The following RECQL5 variants were observed in gnomAD, a reference collection of about 807,000 sequenced individuals.
RECQL5 encodes ATP-dependent DNA helicase Q5.
RECQL5 carries 88 observed loss-of-function variants against 103.4 expected under a neutral mutation model. The ratio of observed to expected loss-of-function variants is 0.85; its 90% CI spans 0.72 to 1.02. RECQL5 has a LOEUF of 1.02. Ranked by LOEUF, RECQL5 falls within the 50% of genes least tolerant of loss-of-function variation. The probability of loss-of-function intolerance (pLI) is 0.00; values close to 1 mark genes in which losing one functional copy is unlikely to be tolerated. For missense variants in RECQL5, 1,232 were observed against 1,284.3 expected (o/e 0.96, Z 0.62); for synonymous variants, 552 against 507.9 (o/e 1.09, Z -1.17).
chr17:75,629,523 T>C (rs1232014059), intron 15 of RECQL5, 48 bp from the exon 16 acceptor site: 4 of 1,500,668 alleles, frequency 2.7e-6, no homozygotes, highest in African/African-American at 1.4e-5. Context: ...CTAGGCCCCC[T>C]TGAGGGCACC....
At chr17:75,644,579 T>C (rs1468465910) in intron 8 of RECQL5, among the ~76,000 whole-genome samples, 1 of 151,978 alleles carries the variant, frequency 6.6e-6, no homozygotes. Context: ...AGCAAGACCC[T>C]GTCTCAAAAA....
intron 18 of RECQL5, among the ~76,000 whole-genome samples, 195 bp downstream of exon 18, chr17:75,628,018 AAAAAG>A (rs1330975506): frequency 1.3e-5 from 2 of 151,592 alleles, no homozygotes; most frequent in Non-Finnish European, 1.5e-5. Flanking sequence ...AAAAAAAAAA[AAAAAG>A]AGAGCAGGAC....
chr17:75,659,743 G>T (rs1478183990), intron 6 of RECQL5, among the ~76,000 whole-genome samples: 1 of 152,222 alleles, frequency 6.6e-6, no homozygotes, highest in Non-Finnish European at 1.5e-5. Context: ...CAGGGTCACT[G>T]TGAGGTTCAC....
At position 75,631,459 on chromosome 17, in the gene RECQL5, T is replaced by A. The variant is rs820196; in HGVS notation, c.1439A>T (p.Asp480Val). ...LYEGGRKGYGDFSRYDEGSGG... is the reference protein window; with the variant it reads ...LYEGGRKGYGVFSRYDEGSGG... ...CTTCTCGGCCCCTTACCTGCTGAAG[T>A]CCCCGTAGCCCTTGCGGCCTCCCTC... The change falls in exon 9 of 20, where the codon GAC becomes GTC. Residue 480 changes from aspartate (D) to valine (V), a missense_variant. Asp to Val is a radical substitution (Grantham distance 152). Transcript: ENST00000317905. The A allele has an allele frequency of 5.0e-6, 8 of 1,606,704 alleles. 1 individual carries two copies. The South Asian group carries it at 8.8e-5, about 18-fold the overall frequency.
intron 8 of RECQL5, chr17:75,637,781 G>A (rs994975018): frequency 6.6e-6 from 1 of 152,302 alleles, no homozygotes; most frequent in Non-Finnish European, 1.5e-5. Flanking sequence ...CTCCTGTACT[G>A]AGCCCACTGC....
intron 8 of RECQL5, chr17:75,633,319 G>C: frequency 1.5e-6 from 1 of 660,406 alleles, no homozygotes; most frequent in Non-Finnish European, 2.2e-6. Flanking sequence ...GCGGGGCTGG[G>C]GTCGGTTTCT....
chr17:75,629,665 C>G, intron 15 of RECQL5, 43 bp downstream of exon 15: 1 of 1,568,542 alleles, frequency 6.4e-7, no homozygotes, highest in Non-Finnish European at 8.7e-7. Context: ...GAAGTGAAGC[C>G]TTTCCTGGTC....
rs1208816698 is a variant in RECQL5 at position 75,640,995 on chromosome 17, G to A, written c.1230-9327C>T. 1.3e-6 allele frequency: 2 copies of A among 1,491,668 alleles called. No homozygotes were observed. Among genetic ancestry groups the A allele is most frequent in the Non-Finnish European group, 1.8e-6 (2 of 1,117,546 alleles). 92.4% of individuals were successfully genotyped at this position (1,491,668 alleles called of 1,614,324 possible). On this transcript the variant is annotated intron_variant, in intron 8 of 19. Transcript: ENST00000317905. The surrounding 1 kb of genome is among the most constrained non-coding windows in gnomAD (Gnocchi z 4.6). Reference sequence around the variant, plus strand: ...CTGCAGCCCTTACCCCTCAAGACCAGGCTCCCCTGGCCCCAGCTCTGGCCC... The same window carrying A: ...CTGCAGCCCTTACCCCTCAAGACCAAGCTCCCCTGGCCCCAGCTCTGGCCC...
At chr17:75,666,204 T>C (rs77378137) in intron 2 of RECQL5, among the ~76,000 whole-genome samples, 3,776 of 152,194 alleles carry the variant, frequency 0.025, 144 homozygotes, top group African/African-American at 0.081. Context: ...GGTGGGAGGA[T>C]TGCCTGAGCC....
intron 6 of RECQL5, 91 bp downstream of exon 6, chr17:75,660,864 G>T: frequency 2.2e-6 from 2 of 917,138 alleles, no homozygotes; most frequent in Non-Finnish European, 3.7e-6. Flanking sequence ...CCTCGAAGGA[G>T]CACATGCACC....
intron 6 of RECQL5, among the ~76,000 whole-genome samples, chr17:75,660,063 T>C (rs2059679256): frequency 6.6e-6 from 1 of 152,062 alleles, no homozygotes; most frequent in Non-Finnish European, 1.5e-5. Flanking sequence ...GTTTTGGTTT[T>C]TGGTGTTTTT....
At chr17:75,657,122 A>G (rs1188096494) in intron 7 of RECQL5, among the ~76,000 whole-genome samples, 1 of 152,032 alleles carries the variant, frequency 6.6e-6, no homozygotes, top group Non-Finnish European at 1.5e-5. Flanking sequence ...TAATCCCAGC[A>G]CTCTGGGAGC....
At chr17:75,628,184 A>ATGGGAGAAG (rs1370659547) in intron 18 of RECQL5, 34 bp downstream of exon 18, 1 of 1,511,026 alleles carries the variant, frequency 6.6e-7, no homozygotes, top group African/African-American at 1.4e-5. Context: ...TACCCCAGGC[A>ATGGGAGAAG]TGGGAGAAGG....
At chr17:75,630,101 C>T (rs1424453764) in intron 14 of RECQL5, 83 bp downstream of exon 14, 61 of 1,257,756 alleles carry the variant, frequency 4.8e-5, no homozygotes, top group Non-Finnish European at 1.2e-5. Flanking sequence ...GCTGCCTGAG[C>T]CCAGAGAGCT....
intron 8 of RECQL5, among the ~76,000 whole-genome samples, chr17:75,632,956 G>A (rs1279105393): frequency 1.3e-5 from 2 of 152,230 alleles, no homozygotes; most frequent in Admixed American, 6.5e-5. Context: ...GAGGGGCTGC[G>A]ACCCCAAGGC....
At chr17:75,663,617 T>C (rs990911548) in intron 3 of RECQL5, among the ~76,000 whole-genome samples, 5 of 152,288 alleles carry the variant, frequency 3.3e-5, no homozygotes, top group African/African-American at 1.2e-4. Context: ...GGCTCTGAAG[T>C]CAGACAGACT....
Position 75,629,291 on chromosome 17 carries a change from C to T in RECQL5, c.2132G>A (p.Gly711Glu), listed in dbSNP as rs2059162253. ...GCCTCCAGGGACCTCCCCTCTGGGC[C>T]CAGGGAGGGGCTCACTCCCATCCTC... ...LDEDGSEPLP[G>E]PRGEVPGGSA... Residue 711 changes from glycine to glutamate, a missense_variant, in exon 16 of 20, where the codon GGG (glycine) becomes GAG (glutamate). By Grantham distance (98) the Gly-to-Glu change is moderately conservative (BLOSUM62 -2). Transcript: ENST00000317905. The T allele has an allele frequency of 6.3e-7, 1 of 1,590,732 alleles. No individual in the cohort carries two copies. Among genetic ancestry groups the T allele is most frequent in the African/African-American group, 1.3e-5 (1 of 74,316 alleles).
At position 75,631,333 on chromosome 17, in the gene RECQL5, A is replaced by T. The variant is rs539619491; in HGVS notation, c.1449-84T>A. ...TGCTGCTAGAACGGCAATGTCCCTG[A>T]TGTCCTACCAGCTCAAGGGGGGATT... is the stretch of plus-strand genomic sequence containing the variant. On this transcript the variant is annotated intron_variant, in intron 9 of 19. Transcript: ENST00000317905. 4.6e-6 allele frequency: 7 copies of T among 1,535,618 alleles called. No homozygotes were observed. In the African/African-American group the frequency reaches 8.2e-5, roughly 18 times the overall value.
Position 75,636,244 on chromosome 17 carries a change from G to A in RECQL5, c.1230-4576C>T, listed in dbSNP as rs1440969581. Among the ~76,000 whole-genome samples the A allele has an allele frequency of 6.6e-6, 1 of 152,188 alleles. No homozygotes were observed. The highest frequency in any genetic ancestry group is 1.9e-4 in the East Asian group (1 of 5,202). On this transcript the variant is annotated intron_variant, in intron 8 of 19. Transcript: ENST00000317905. The surrounding 1 kb of genome is among the most constrained non-coding windows in gnomAD (Gnocchi z 5.4). The stretch of plus-strand genomic sequence containing the variant: ...CAACCAAGGCACTACTGAGCGTGGG[G>A]TTGGGAGGGACTCTGGTTGCCCTGG...
Sources: gnomAD v4.1 joint callset for allele counts (sites outside exome capture counted in the v4.1 genomes callset) on GRCh38, gnomAD v4.1.1 for gene constraint, Gnocchi (gnomAD v3.1) non-coding constraint, MANE v1.5 for transcripts, NCBI Gene and HGNC (gene_info 2026-07-23, HGNC 2026-07-21) for gene names.